TGM2: variants seen among roughly 807,000 people sequenced by gnomAD.
The protein encoded by TGM2 is transglutaminase 2.
TGM2 carries 53 observed loss-of-function variants against 75.6 expected under a neutral mutation model. That is an observed-to-expected ratio of 0.70 (90% confidence interval 0.56 to 0.88). The LOEUF is 0.88. Ranked by LOEUF, TGM2 falls within the 40% of genes least tolerant of loss-of-function variation. The pLI is 0.00. For synonymous variants in TGM2, 374 were observed against 381.1 expected, an observed-to-expected ratio of 0.98 and a Z score of 0.22; for missense variants, 842 against 928.5, an observed-to-expected ratio of 0.91 and a Z score of 1.21.
chr20:38,142,040 A>G, intron 7 of TGM2, 24 bp downstream of exon 7: 2 of 1,613,894 alleles, frequency 1.2e-6, no homozygotes, highest in Non-Finnish European at 1.7e-6. Flanking sequence ...CTGGGCTCCG[A>G]TCCCACCCTG....
At chr20:38,156,453 C>T (rs2075188726) in intron 2 of TGM2, among the ~76,000 whole-genome samples, 1 of 152,296 alleles carries the variant, frequency 6.6e-6, no homozygotes, top group Non-Finnish European at 1.5e-5. Flanking sequence ...TCACCTGGCC[C>T]CATTTGTGTA....
intron 6 of TGM2, among the ~76,000 whole-genome samples, chr20:38,142,462 C>T (rs1349177004): frequency 6.6e-6 from 1 of 152,204 alleles, no homozygotes; most frequent in East Asian, 1.9e-4. Flanking sequence ...CCTATAATCC[C>T]AGCACTTTGA....
intron 9 of TGM2, among the ~76,000 whole-genome samples, chr20:38,138,957 C>A (rs1393381104): frequency 6.6e-6 from 1 of 152,122 alleles, no homozygotes; most frequent in Non-Finnish European, 1.5e-5. Context: ...GGGAGAGCAT[C>A]ATTTCATTCT....
At chr20:38,140,993 T>A (rs2074964946) in intron 8 of TGM2, among the ~76,000 whole-genome samples, 1 of 152,134 alleles carries the variant, frequency 6.6e-6, no homozygotes, top group Admixed American at 6.5e-5. Context: ...CAGTGGAAGC[T>A]CGTGTGAATG....
chr20:38,163,426 G>A (rs7270898), intron 1 of TGM2, among the ~76,000 whole-genome samples: 71,178 of 152,044 alleles, frequency 0.47, 19,164 homozygotes, highest in Non-Finnish European at 0.62. Context: ...GAATTATCTC[G>A]ACTTAAATCC....
upstream of TGM2, chr20:38,165,408 G>A (rs1006818633): frequency 3.3e-5 from 22 of 670,246 alleles, no homozygotes; most frequent in Middle Eastern, 4.2e-4. Context: ...GGCTCACCCA[G>A]GGGACCGGAG....
intron 10 of TGM2, chr20:38,132,762 G>T: frequency 3.5e-6 from 2 of 575,692 alleles, no homozygotes; most frequent in Non-Finnish European, 6.5e-6. Context: ...TCTTCTAATG[G>T]GTGACCCCGC....
rs774984592 is a variant in TGM2 at position 38,146,732 on chromosome 20, C to T, written c.844G>A (p.Ala282Thr). The T allele has an allele frequency of 1.9e-5, 31 of 1,612,838 alleles. No homozygotes were observed. Among genetic ancestry groups the T allele is most frequent in the Non-Finnish European group, 2.5e-5 (30 of 1,179,320 alleles). ...TGCAGCTCACCTGTGCAGGCCACGG[C>T]GGCGAAGACCCAGCACTGGCCATAC... ...VKYGQCWVFA[A>T]VACTVLRCLG... is the part of the protein sequence containing the mutation. The change falls in exon 6 of 13, where the codon GCC becomes ACC. Residue 282 changes from alanine (A) to threonine (T), a missense_variant. Coordinates refer to ENST00000361475, the MANE Select transcript of TGM2 (RefSeq NM_004613.4).
At position 38,146,847 on chromosome 20, in the gene TGM2, G is replaced by A; in HGVS notation, c.729C>T (p.Asn243=). The change falls in exon 6 of 13, where the codon AAC becomes AAT. Residue 243 remains asparagine (N), a synonymous_variant. Coordinates refer to ENST00000361475, the MANE Select transcript of TGM2 (RefSeq NM_004613.4). ...DQGVLLGRWD[N]NYGDGVSPMS... ...TGGGGCTGACGCCGTCCCCGTAGTT[G>A]TTGTCCCAGCGTCCCAGCAGCACAC... 6.2e-7 allele frequency: 1 copy of A among 1,614,118 alleles called. No individual in the cohort carries two copies. The highest frequency in any genetic ancestry group is 8.5e-7 in the Non-Finnish European group (1 of 1,180,042).
At position 38,141,487 on chromosome 20, in the gene TGM2, C is replaced by G. The variant is rs140352406; in HGVS notation, c.996-102G>C. 1.9e-4 allele frequency: 172 copies of G among 919,922 alleles called. 1 individual carries two copies. The Middle Eastern group carries it at 5.4e-3, about 29-fold the overall frequency. The allele number at this position is 919,922 out of a possible 1,614,324, so 57.0% of individuals were successfully genotyped here. ...ATTCATGTCCCCAGATGCAAGCTCG[C>G]CTCGTCCCAAACTGAGCCCAGGGTG... On this transcript the variant is annotated intron_variant, in intron 7 of 12. Coordinates refer to ENST00000361475, the MANE Select transcript of TGM2 (RefSeq NM_004613.4).
chr20:38,164,506 T>G (rs1663747414), intron 1 of TGM2, among the ~76,000 whole-genome samples: 1 of 152,138 alleles, frequency 6.6e-6, no homozygotes, highest in Non-Finnish European at 1.5e-5. Flanking sequence ...TCCTCACAGA[T>G]GCACCAAAGG....
intron 10 of TGM2, 120 bp from the exon 11 acceptor site, chr20:38,132,620 G>T: frequency 7.3e-7 from 1 of 1,364,574 alleles, no homozygotes; most frequent in Non-Finnish European, 1.0e-6. Context: ...GCGGGGGAAT[G>T]GCTGGGCGGA....
chr20:38,132,449 G>A lies in TGM2; in HGVS notation c.1667C>T (p.Thr556Met), dbSNP rs746189148. Residue 556 changes from threonine to methionine, a missense_variant, in exon 11 of 13, where the codon ACG (threonine) becomes ATG (methionine). Transcript: ENST00000361475. ...ILYEKYRDCLTESNLIKVRAL... is the reference protein window; with the variant it reads ...ILYEKYRDCLMESNLIKVRAL... Reference sequence around the variant, plus strand: ...CCGCACCTTGATGAGGTTGGACTCCGTAAGGCAGTCACGGTATTTCTCATA... The same window carrying A: ...CCGCACCTTGATGAGGTTGGACTCCATAAGGCAGTCACGGTATTTCTCATA... 8.1e-6 allele frequency: 13 copies of A among 1,614,052 alleles called. No homozygotes were observed. Among genetic ancestry groups the A allele is most frequent in the South Asian group, 3.3e-5 (3 of 91,090 alleles).
At position 38,138,114 on chromosome 20, in the gene TGM2, A is replaced by G. The variant is rs1277517385; in HGVS notation, c.1614T>C (p.Ser538=). ...YLLNLNLEPF[S]EKSVPLCILY... ...TGCTCCAGGAACACAGGGCTTTACC[A>G]GAGAAAGGCTCCAGGTTGAGGTTGA... Residue 538 remains serine, a splice_region_variant and synonymous_variant, in exon 10 of 13, where the codon TCT becomes TCC. Coordinates refer to ENST00000361475, the MANE Select transcript of TGM2 (RefSeq NM_004613.4). 1 of 1,588,956 alleles carries G rather than the reference A, an allele frequency of 6.3e-7. No individual in the cohort carries two copies. The highest frequency in any genetic ancestry group is 1.1e-5 in the South Asian group (1 of 87,340).
chr20:38,133,021 G>T, intron 10 of TGM2: 1 of 362,378 alleles, frequency 2.8e-6, no homozygotes, highest in Non-Finnish European at 5.5e-6. Flanking sequence ...AGGCTTGTAC[G>T]TGTATTACCA....
At chr20:38,163,319 AAAGTCACGCCGC>A (rs2075276572) in intron 1 of TGM2, among the ~76,000 whole-genome samples, 1 of 152,228 alleles carries the variant, frequency 6.6e-6, no homozygotes, top group Non-Finnish European at 1.5e-5. Context: ...GAATTTGTTC[AAAGTCACGCCGC>A]AAGTTGGTCC....
chr20:38,149,692 A>AAAAAAAAC (rs2075093671), intron 4 of TGM2, among the ~76,000 whole-genome samples: 2 of 147,144 alleles, frequency 1.4e-5, no homozygotes, highest in East Asian at 4.2e-4. Flanking sequence ...AAAAAAAAAA[A>AAAAAAAAC]AAAAAAAAAC....
At chr20:38,138,027 A>C in intron 10 of TGM2, 86 bp downstream of exon 10, 1 of 1,498,334 alleles carries the variant, frequency 6.7e-7, no homozygotes, top group Non-Finnish European at 9.0e-7. Context: ...CTGTGGGGTG[A>C]AATCACACAT....
intron 4 of TGM2, among the ~76,000 whole-genome samples, chr20:38,150,101 T>C (rs2075099171): frequency 6.6e-6 from 1 of 152,202 alleles, no homozygotes; most frequent in East Asian, 1.9e-4. Context: ...GCAATGGTTC[T>C]TGCTTTGTGA....
Sources: allele counts gnomAD v4.1 joint callset (sites outside exome capture counted in the v4.1 genomes callset), GRCh38; gene constraint gnomAD v4.1.1; transcripts MANE v1.5; gene names NCBI Gene and HGNC (gene_info 2026-07-23, HGNC 2026-07-21).